The following SPSB1 variants were observed in gnomAD, a reference collection of about 807,000 sequenced individuals.
SPSB1 encodes SPRY domain-containing SOCS box protein 1.
Under a neutral mutation model 21.2 loss-of-function variants are expected in SPSB1, and 8 were observed. That is an observed-to-expected ratio of 0.38 (90% CI 0.22 to 0.68). SPSB1 has a LOEUF of 0.68. Among genes scored for constraint, SPSB1 ranks in the 30% least tolerant of loss-of-function variants. The pLI is 0.53. For missense variants in SPSB1, 242 were observed against 377.8 expected, an observed-to-expected ratio of 0.64 and a Z score of 2.98; for synonymous variants, 169 against 161.7, an observed-to-expected ratio of 1.05 and a Z score of -0.34.
rs186310262 is a variant in SPSB1 at position 9,324,639 on chromosome 1, C to T, written c.-149-31104C>T. ...CCCTGAGGCTGAAACTGCCAGTGGC[C>T]AGCCTGTCTTGTTCCTATAAAGGGC... is the stretch of plus-strand genomic sequence containing the variant. On this transcript the variant is annotated intron_variant, in intron 1 of 2. Transcript: ENST00000328089. The surrounding 1 kb of genome is among the most constrained non-coding windows in gnomAD (Gnocchi z 4.3). Among the ~76,000 whole-genome samples, 527 of 152,258 alleles carry T rather than the reference C, an allele frequency of 3.5e-3. 3 individuals are homozygous for T. Among genetic ancestry groups the T allele is most frequent in the African/African-American group, 0.012 (507 of 41,530 alleles).
chr1:9,345,315 C>T lies in SPSB1; in HGVS notation c.-149-10428C>T, dbSNP rs771833593. ...TGGTGGCTCTTTTCTTGGAGATGGC[C>T]GTGGGGCTGCTTTTGGGCCTGCCTT... On this transcript the variant is annotated intron_variant, in intron 1 of 2. Transcript: ENST00000328089. This position sits in a 1 kb window ranked among gnomAD's most constrained non-coding sequence, Gnocchi z 4.8. Among the ~76,000 whole-genome samples, 4 of 152,128 alleles carry T rather than the reference C, an allele frequency of 2.6e-5. No individual in the cohort carries two copies. The highest frequency in any genetic ancestry group is 5.9e-5 in the Non-Finnish European group (4 of 68,010).
intron 1 of SPSB1, among the ~76,000 whole-genome samples, chr1:9,313,756 T>C (rs1156909488): frequency 1.3e-5 from 2 of 152,248 alleles, no homozygotes; most frequent in African/African-American, 2.4e-5. Context: ...CAGTCCAGCC[T>C]GCCCGCTGTG....
chr1:9,318,622 C>T lies in SPSB1; in HGVS notation c.-150+25551C>T, dbSNP rs548021929. On this transcript the variant is annotated intron_variant, in intron 1 of 2. Transcript: ENST00000328089. ...AAGAATGGGTGTGAGACTTACCTTGCGGAATCGTGCAGGATTGACCAAAGC... is the reference window on the plus strand; with the variant it reads ...AAGAATGGGTGTGAGACTTACCTTGTGGAATCGTGCAGGATTGACCAAAGC... Among the ~76,000 whole-genome samples the T allele has an allele frequency of 9.2e-5, 14 of 152,330 alleles. No individual in the cohort carries two copies. In the South Asian group the frequency reaches 2.5e-3, roughly 27 times the overall value.
intron 1 of SPSB1, among the ~76,000 whole-genome samples, chr1:9,298,454 G>GTGAA (rs796930232): frequency 2.2e-4 from 26 of 119,306 alleles, no homozygotes; most frequent in East Asian, 1.6e-3. Flanking sequence ...GAATGAATAA[G>GTGAA]TGAATGAATG....
intron 1 of SPSB1, among the ~76,000 whole-genome samples, chr1:9,312,229 G>T (rs1432765479): frequency 6.6e-6 from 1 of 151,970 alleles, no homozygotes; most frequent in Admixed American, 6.6e-5. Context: ...GTGCTATGTT[G>T]CTCAGGTTGG....
intron 2 of SPSB1, among the ~76,000 whole-genome samples, chr1:9,365,887 G>A (rs566061528): frequency 8.0e-4 from 122 of 152,316 alleles, no homozygotes; most frequent in Non-Finnish European, 1.4e-3. Context: ...AGCGTGGGCG[G>A]CCCCACGAAG....
At chr1:9,338,939 A>AACCC (rs1640046926) in intron 1 of SPSB1, among the ~76,000 whole-genome samples, 1 of 152,168 alleles carries the variant, frequency 6.6e-6, no homozygotes, top group Non-Finnish European at 1.5e-5. Context: ...GACTCTGGAA[A>AACCC]ACCCGGCCGA....
At chr1:9,366,584 T>A (rs1488729209) in intron 2 of SPSB1, among the ~76,000 whole-genome samples, 3 of 151,600 alleles carry the variant, frequency 2.0e-5, no homozygotes, top group Non-Finnish European at 4.4e-5. Context: ...GTTCTTTTTT[T>A]TTTTTTTTTG....
intron 1 of SPSB1, among the ~76,000 whole-genome samples, chr1:9,314,817 A>T (rs1210313585): frequency 6.6e-6 from 1 of 152,180 alleles, no homozygotes; most frequent in East Asian, 1.9e-4. Flanking sequence ...TCACAAACTC[A>T]CATGCCCCCC....
intron 1 of SPSB1, among the ~76,000 whole-genome samples, chr1:9,314,726 C>G (rs1307880108): frequency 6.6e-6 from 1 of 152,200 alleles, no homozygotes; most frequent in Non-Finnish European, 1.5e-5. Context: ...ACCTTATTCC[C>G]AGGGGACACT....
rs1254519249 is a variant in SPSB1 at position 9,356,798 on chromosome 1, T to C, written c.694+213T>C. On this transcript the variant is annotated intron_variant, in intron 2 of 2. Coordinates refer to ENST00000328089, the MANE Select transcript of SPSB1 (RefSeq NM_025106.4). The surrounding 1 kb of genome is among the most constrained non-coding windows in gnomAD (Gnocchi z 7.4). Reference sequence around the variant, plus strand: ...TACCTAACGGTGCCTCATGAATGAATGGACAGATGGATGGATGATGGATGA... The same window carrying C: ...TACCTAACGGTGCCTCATGAATGAACGGACAGATGGATGGATGATGGATGA... 3.9e-5 allele frequency among the ~76,000 whole-genome samples: 6 copies of C among 152,204 alleles called. No homozygotes were observed. The highest frequency in any genetic ancestry group is 3.9e-4 in the Admixed American group (6 of 15,274).
intron 1 of SPSB1, among the ~76,000 whole-genome samples, chr1:9,312,420 CTGTG>C (rs1639535311): frequency 6.6e-6 from 1 of 152,130 alleles, no homozygotes; most frequent in South Asian, 2.1e-4. Flanking sequence ...CGTAACAGCC[CTGTG>C]GAGGTATTAT....
intron 1 of SPSB1, among the ~76,000 whole-genome samples, chr1:9,307,082 C>G (rs1557446190): frequency 6.6e-6 from 1 of 151,878 alleles, no homozygotes; most frequent in African/African-American, 2.4e-5. Context: ...CACGTGCCAC[C>G]ACGCCTGGCT....
intron 1 of SPSB1, among the ~76,000 whole-genome samples, chr1:9,337,237 C>T (rs893778012): frequency 2.0e-5 from 3 of 152,112 alleles, no homozygotes; most frequent in Admixed American, 6.5e-5. Flanking sequence ...CTCTAACCCC[C>T]GGGATTAGCT....
In SPSB1 at chr1:9,317,806, A is replaced by AT. The variant is rs1483438979; in HGVS notation, c.-150+24736dup. Among the ~76,000 whole-genome samples, 1 of 148,838 alleles carries AT rather than the reference A, an allele frequency of 6.7e-6. No homozygotes were observed. Among genetic ancestry groups the AT allele is most frequent in the Non-Finnish European group, 1.5e-5 (1 of 67,350 alleles). On this transcript the variant is annotated intron_variant, in intron 1 of 2. Coordinates refer to ENST00000328089, the MANE Select transcript of SPSB1 (RefSeq NM_025106.4). The surrounding 1 kb of genome is among the most constrained non-coding windows in gnomAD (Gnocchi z 4.3). ...CCAGAAAAGACAGTTTCAGAGCCTTATGTAGGTGATTTCCGGTGGCGAGGG... is the reference window on the plus strand; with the variant it reads ...CCAGAAAAGACAGTTTCAGAGCCTTATTGTAGGTGATTTCCGGTGGCGAGGG...
At chr1:9,340,141 C>A (rs915073616) in intron 1 of SPSB1, among the ~76,000 whole-genome samples, 2 of 152,204 alleles carry the variant, frequency 1.3e-5, no homozygotes, top group African/African-American at 2.4e-5. Flanking sequence ...GCAGGGCACG[C>A]AGGGTGACCA....
chr1:9,343,632 C>G (rs1433328157), intron 1 of SPSB1, among the ~76,000 whole-genome samples: 2 of 152,202 alleles, frequency 1.3e-5, no homozygotes, highest in East Asian at 3.9e-4. Flanking sequence ...TTTCATTTCT[C>G]CGGGCTCCTT....
At chr1:9,340,628 G>T (rs1640075490) in intron 1 of SPSB1, among the ~76,000 whole-genome samples, 2 of 152,242 alleles carry the variant, frequency 1.3e-5, no homozygotes, top group African/African-American at 4.8e-5. Flanking sequence ...GCTGGGGAGG[G>T]TCCCCGCAGC....
chr1:9,295,098 T>A (rs974453819), intron 1 of SPSB1, among the ~76,000 whole-genome samples: 3 of 152,180 alleles, frequency 2.0e-5, no homozygotes, highest in Non-Finnish European at 4.4e-5. Context: ...TCTCCCCAGC[T>A]GTGAAGTGAT....
Sources: gnomAD v4.1 joint callset for allele counts (sites outside exome capture counted in the v4.1 genomes callset) on GRCh38, gnomAD v4.1.1 for gene constraint, Gnocchi (gnomAD v3.1) non-coding constraint, MANE v1.5 for transcripts, NCBI Gene and HGNC (gene_info 2026-07-23, HGNC 2026-07-21) for gene names.